METTL15: variants seen among roughly 807,000 people sequenced by gnomAD.
The protein encoded by METTL15 is 12S rRNA N(4)-cytidine methyltransferase METTL15.
Under a neutral mutation model 38.3 loss-of-function variants are expected in METTL15, and 34 were observed. The observed-to-expected ratio is 0.89, with a 90% CI of 0.68 to 1.18. The LOEUF (loss-of-function observed/expected upper bound fraction) is 1.18, where lower values mean the gene tolerates loss of function less well. Among genes scored for constraint, METTL15 ranks in the 50% most tolerant of loss-of-function variants. METTL15 has a pLI of 0.00. For missense variants in METTL15, 438 were observed against 498.4 expected (o/e 0.88, Z 1.15); for synonymous variants, 162 against 170.9 (o/e 0.95, Z 0.41).
At chr11:28,431,787 ATT>A (rs747019954) in intron 6 of METTL15, among the ~76,000 whole-genome samples, 4 of 55,316 alleles carry the variant, frequency 7.2e-5, no homozygotes, top group African/African-American at 1.0e-4. Context: ...AAAAAAATAA[ATT>A]TAAAAAAAAA....
intron 3 of METTL15, among the ~76,000 whole-genome samples, chr11:28,209,042 C>G (rs1181258417): frequency 1.3e-5 from 2 of 151,522 alleles, no homozygotes; most frequent in Non-Finnish European, 2.9e-5. Flanking sequence ...TTTTTTTTCC[C>G]CTGTGGAAAC....
chr11:28,222,270 G>T (rs1177505163), intron 4 of METTL15, among the ~76,000 whole-genome samples: 1 of 152,120 alleles, frequency 6.6e-6, no homozygotes, highest in African/African-American at 2.4e-5. Context: ...CCCTCCCCCA[G>T]CCTGGCTGCT....
chr11:28,265,718 A>G (rs1209130599), intron 4 of METTL15, among the ~76,000 whole-genome samples: 1 of 152,104 alleles, frequency 6.6e-6, no homozygotes, highest in Non-Finnish European at 1.5e-5. Context: ...CACTGTCTTC[A>G]TACAAATCTT....
At chr11:28,326,725 G>T (rs1849646371) in intron 6 of METTL15, among the ~76,000 whole-genome samples, 1 of 152,030 alleles carries the variant, frequency 6.6e-6, no homozygotes, top group Admixed American at 6.5e-5. Flanking sequence ...CTACAGGCAT[G>T]CACCACCGTG....
intron 6 of METTL15, among the ~76,000 whole-genome samples, chr11:28,491,324 TAGA>T: frequency 6.6e-6 from 1 of 152,270 alleles, no homozygotes; most frequent in African/African-American, 2.4e-5. Context: ...TTCTTGATTC[TAGA>T]AGGAGTCCCC....
At chr11:28,146,820 T>C (rs1044611000) in intron 3 of METTL15, among the ~76,000 whole-genome samples, 1 of 151,954 alleles carries the variant, frequency 6.6e-6, no homozygotes, top group Non-Finnish European at 1.5e-5. Context: ...CTTACATTCC[T>C]TTACATTGCA....
intron 4 of METTL15, among the ~76,000 whole-genome samples, chr11:28,234,802 T>C (rs1374761581): frequency 1.5e-4 from 21 of 142,784 alleles, no homozygotes; most frequent in African/African-American, 5.6e-4. Context: ...AGAAGCTCTT[T>C]AGTTTAATTA....
chr11:28,433,157 T>G (rs1850949876), intron 6 of METTL15, among the ~76,000 whole-genome samples: 1 of 135,544 alleles, frequency 7.4e-6, no homozygotes, highest in Non-Finnish European at 1.6e-5. Flanking sequence ...TCTCAGGTTT[T>G]GTTTTGTTTT....
chr11:28,332,771 A>G lies in METTL15; in HGVS notation c.*1930A>G, dbSNP rs1383067035. On this transcript the variant is annotated 3_prime_UTR_variant, in exon 7 of 7. Transcript: ENST00000407364. ...GGAGTTCAAGACCAGCCTGGCCAAC[A>G]TGGCGAAAACCCATCTCTACTAAAA... 1 of 152,002 alleles carries G rather than the reference A, an allele frequency of 6.6e-6. No individual in the cohort carries two copies. Among genetic ancestry groups the G allele is most frequent in the Non-Finnish European group, 1.5e-5 (1 of 68,084 alleles). 9.4% of individuals were successfully genotyped at this position (152,002 alleles called of 1,614,324 possible). A position where few individuals can be genotyped will look rare whatever the true frequency, so the allele number is the denominator to read the frequency against.
At chr11:28,396,826 C>T (rs188476172) in intron 5 of METTL15, among the ~76,000 whole-genome samples, 15 of 152,166 alleles carry the variant, frequency 9.9e-5, no homozygotes, top group African/African-American at 2.4e-4. Context: ...CATCCTGCTA[C>T]CTGACTTCAA....
chr11:28,373,932 C>G (rs547747427), intron 5 of METTL15, among the ~76,000 whole-genome samples: 3 of 152,208 alleles, frequency 2.0e-5, no homozygotes, highest in Non-Finnish European at 4.4e-5. Context: ...AATCCTTTCC[C>G]CATTGCTTGT....
intron 3 of METTL15, among the ~76,000 whole-genome samples, chr11:28,128,605 T>C (rs940148584): frequency 6.6e-6 from 1 of 152,098 alleles, no homozygotes; most frequent in Non-Finnish European, 1.5e-5. Context: ...TATGAATCTT[T>C]CGCTGTGGTT....
intron 6 of METTL15, among the ~76,000 whole-genome samples, chr11:28,458,631 G>A (rs894994743): frequency 3.9e-5 from 6 of 152,138 alleles, no homozygotes; most frequent in African/African-American, 1.4e-4. Context: ...GCAGAAACAT[G>A]TGTCACCATG....
At chr11:28,219,410 C>T (rs949483276) in intron 4 of METTL15, among the ~76,000 whole-genome samples, 1 of 152,076 alleles carries the variant, frequency 6.6e-6, no homozygotes, top group Non-Finnish European at 1.5e-5. Context: ...GTGATATCCC[C>T]TTTATCATTT....
At chr11:28,244,883 C>G (rs915394398) in intron 4 of METTL15, among the ~76,000 whole-genome samples, 6 of 152,178 alleles carry the variant, frequency 3.9e-5, no homozygotes, top group Non-Finnish European at 5.9e-5. Context: ...TAGAGATATC[C>G]TGTCTTTTCT....
rs984358313 is a variant in METTL15 at position 28,314,409 on chromosome 11, C to T, written c.779-15987C>T. On this transcript the variant is annotated intron_variant, in intron 6 of 6. Transcript: ENST00000407364. ...AGCACTGTTAATCATCTGTGTGTTA[C>T]CATCTTCCAACTCTGGGAAGTGCAT... Among the ~76,000 whole-genome samples, 12 of 152,286 alleles carry T rather than the reference C, an allele frequency of 7.9e-5. 1 individual carries two copies. The South Asian group carries it at 1.0e-3, about 13-fold the overall frequency.
At chr11:28,526,249 T>C (rs1270395958) in intron 6 of METTL15, among the ~76,000 whole-genome samples, 2 of 152,210 alleles carry the variant, frequency 1.3e-5, no homozygotes, top group African/African-American at 4.8e-5. Context: ...AGTGGTGGGC[T>C]GAAGGGCTCC....
At chr11:28,222,986 TAATG>T (rs1355700088) in intron 4 of METTL15, among the ~76,000 whole-genome samples, 1 of 152,020 alleles carries the variant, frequency 6.6e-6, no homozygotes, top group East Asian at 1.9e-4. Context: ...ATCAAAATAA[TAATG>T]GTATAATACT....
intron 6 of METTL15, among the ~76,000 whole-genome samples, chr11:28,491,326 G>T (rs1467497646): frequency 6.6e-6 from 1 of 152,124 alleles, no homozygotes; most frequent in African/African-American, 2.4e-5. Flanking sequence ...CTTGATTCTA[G>T]AAGGAGTCCC....
Sources: gnomAD v4.1 joint callset for allele counts (sites outside exome capture counted in the v4.1 genomes callset) on GRCh38, gnomAD v4.1.1 for gene constraint, MANE v1.5 for transcripts, NCBI Gene and HGNC (gene_info 2026-07-23, HGNC 2026-07-21) for gene names.